The following HORMAD2 variants were observed in gnomAD, a reference collection of about 807,000 sequenced individuals.
The protein encoded by HORMAD2 is HORMA domain containing 2, also known as HORMA domain-containing protein 2.
In HORMAD2, 45 loss-of-function variants were observed where a neutral mutation model predicts 38.8. The ratio of observed to expected loss-of-function variants is 1.16; its 90% CI spans 0.91 to 1.49. The LOEUF (loss-of-function observed/expected upper bound fraction) is 1.49, where lower values mean the gene tolerates loss of function less well. HORMAD2 is among the 40% of genes most tolerant of loss of function. The probability of loss-of-function intolerance (pLI) is 0.00; values close to 1 mark genes in which losing one functional copy is unlikely to be tolerated. For synonymous variants in HORMAD2, 126 were observed against 122.8 expected, an observed-to-expected ratio of 1.03 and a Z score of -0.17; for missense variants, 338 against 367.0, an observed-to-expected ratio of 0.92 and a Z score of 0.65.
chr22:30,189,296 C>T, the HORMAD2 span, among the ~76,000 whole-genome samples: 1 of 148,992 alleles, frequency 6.7e-6, no homozygotes, highest in Admixed American at 6.8e-5. Context: ...TTGAAGGTTA[C>T]CACTTCATCC....
chr22:30,129,078 C>T (rs531132117), intron 10 of HORMAD2, among the ~76,000 whole-genome samples: 3 of 151,578 alleles, frequency 2.0e-5, no homozygotes, highest in African/African-American at 4.8e-5. Flanking sequence ...ATTAGCCAGG[C>T]GTGGTGGTGG....
chr22:30,118,996 A>G lies in HORMAD2; in HGVS notation c.359A>G (p.Tyr120Cys). ...PMGSEKVTEM[Y>C]QFKFKYTKEG... ...TTTTTGTAGAAGGTGACTGAGATGT[A>G]CCAGTTCAAATTCAAATACACGAAA... The change falls in exon 8 of 11, where the codon TAC becomes TGC. Residue 120 changes from tyrosine to cysteine, a missense_variant. Tyr to Cys is a radical substitution (Grantham distance 194). Coordinates refer to ENST00000336726, the MANE Select transcript of HORMAD2 (RefSeq NM_152510.4). 6.3e-7 allele frequency: 1 copy of G among 1,587,670 alleles called. No homozygotes were observed. Among genetic ancestry groups the G allele is most frequent in the South Asian group, 1.1e-5 (1 of 87,110 alleles).
chr22:30,083,992 A>ATTCC (rs1394411166), intron 1 of HORMAD2, among the ~76,000 whole-genome samples: 1 of 152,152 alleles, frequency 6.6e-6, no homozygotes, highest in Non-Finnish European at 1.5e-5. Flanking sequence ...TCAGTCTGGA[A>ATTCC]AAACTTTTAA....
intron 1 of HORMAD2, among the ~76,000 whole-genome samples, chr22:30,089,316 T>G (rs1460434565): frequency 6.6e-6 from 1 of 151,912 alleles, no homozygotes; most frequent in Non-Finnish European, 1.5e-5. Context: ...GAAATTAAAT[T>G]AAGACTTTGT....
the HORMAD2 span, among the ~76,000 whole-genome samples, chr22:30,184,200 T>C: frequency 6.6e-6 from 1 of 152,226 alleles, no homozygotes; most frequent in African/African-American, 2.4e-5. Context: ...TACTAATGGG[T>C]CTTCCATAAA....
chr22:30,185,240 G>A, the HORMAD2 span, among the ~76,000 whole-genome samples: 21 of 152,300 alleles, frequency 1.4e-4, no homozygotes, highest in Admixed American at 9.1e-4. Context: ...CCAGGAACCA[G>A]GAGAGCCTGG....
chr22:30,153,524 C>T (rs188672580), intron 10 of HORMAD2, among the ~76,000 whole-genome samples: 6 of 152,284 alleles, frequency 3.9e-5, no homozygotes, highest in Admixed American at 3.9e-4. Context: ...CATTTCTTCC[C>T]CCATATCTTA....
At chr22:30,105,092 G>C (rs1333382958) in intron 5 of HORMAD2, 1 of 163,290 alleles carries the variant, frequency 6.1e-6, no homozygotes, top group African/African-American at 2.4e-5. Flanking sequence ...AAGGCAGGGG[G>C]CTCAGTCCTT....
rs750796623 is a variant in HORMAD2 at position 30,129,217 on chromosome 22, C to CAAA, written c.819+7040_819+7042dup. The stretch of plus-strand genomic sequence containing the variant: ...TGGGTGGCAGAGTGAGACTCTATCT[C>CAAA]AAAAAAAAAAAAAAAAAAAAAAAAA... On this transcript the variant is annotated intron_variant, in intron 10 of 10. Transcript: ENST00000336726. Among the ~76,000 whole-genome samples, 111 of 22,544 alleles carry CAAA rather than the reference C, an allele frequency of 4.9e-3. 5 individuals carry two copies. The highest frequency in any genetic ancestry group is 7.9e-3 in the Non-Finnish European group (91 of 11,508). The allele number at this position is 22,544 out of a possible 152,430, so 14.8% of individuals were successfully genotyped here.
chr22:30,189,646 T>C, the HORMAD2 span, among the ~76,000 whole-genome samples: 1 of 152,110 alleles, frequency 6.6e-6, no homozygotes, highest in African/African-American at 2.4e-5. Flanking sequence ...CCTTGCTCCC[T>C]CCTTGCCCTG....
chr22:30,081,523 AT>A (rs780260104), intron 1 of HORMAD2, among the ~76,000 whole-genome samples: 3 of 152,138 alleles, frequency 2.0e-5, no homozygotes, highest in Non-Finnish European at 4.4e-5. Context: ...GGTCTAAGTA[AT>A]TGGGCGAACT....
chr22:30,112,581 T>G (rs1356791680), intron 7 of HORMAD2, 59 bp downstream of exon 7: 1 of 707,618 alleles, frequency 1.4e-6, no homozygotes, highest in Non-Finnish European at 2.1e-6. Context: ...TTTAAGATGT[T>G]TTTCTGAGTT....
chr22:30,183,453 CA>C, the HORMAD2 span, among the ~76,000 whole-genome samples: 1 of 152,196 alleles, frequency 6.6e-6, no homozygotes, highest in African/African-American at 2.4e-5. Flanking sequence ...GACCTCCACT[CA>C]GCAGAGTTAA....
the HORMAD2 span, among the ~76,000 whole-genome samples, chr22:30,199,658 C>A: frequency 6.6e-6 from 1 of 151,510 alleles, no homozygotes; most frequent in South Asian, 2.1e-4. Context: ...TTGGATGGAC[C>A]TTTCCCAACC....
intron 10 of HORMAD2, among the ~76,000 whole-genome samples, chr22:30,167,096 G>T (rs1405788170): frequency 6.6e-6 from 1 of 152,190 alleles, no homozygotes; most frequent in African/African-American, 2.4e-5. Flanking sequence ...GGCTCTAAGA[G>T]AAGTTCTATT....
chr22:30,161,985 T>A (rs1925469450), intron 10 of HORMAD2, among the ~76,000 whole-genome samples: 1 of 152,120 alleles, frequency 6.6e-6, no homozygotes, highest in African/African-American at 2.4e-5. Flanking sequence ...AAACTGCCAA[T>A]AAGGATATTC....
chr22:30,094,069 A>G (rs181340970), intron 2 of HORMAD2, 66 bp downstream of exon 2: 505 of 1,169,816 alleles, frequency 4.3e-4, no homozygotes, highest in Non-Finnish European at 5.6e-4. Flanking sequence ...TTATGATTTT[A>G]ATCTTTTGTG....
At position 30,098,879 on chromosome 22, in the gene HORMAD2, A is replaced by C; in HGVS notation, c.79A>C (p.Asn27His). ...AACAGTTTTCCCATCCCAAATCACTAATGAGCATGAGTCATTGAAAATGGT... is the reference window on the plus strand; with the variant it reads ...AACAGTTTTCCCATCCCAAATCACTCATGAGCATGAGTCATTGAAAATGGT... ...KETVFPSQITNEHESLKMVKK... is the reference protein window; with the variant it reads ...KETVFPSQITHEHESLKMVKK... Residue 27 changes from asparagine to histidine, a missense_variant, in exon 3 of 11, where the codon AAT (asparagine) becomes CAT (histidine). Transcript: ENST00000336726. 6.2e-7 allele frequency: 1 copy of C among 1,612,228 alleles called. No individual in the cohort carries two copies. The highest frequency in any genetic ancestry group is 8.5e-7 in the Non-Finnish European group (1 of 1,178,924).
At chr22:30,164,759 G>T (rs1004116079) in intron 10 of HORMAD2, among the ~76,000 whole-genome samples, 3 of 152,180 alleles carry the variant, frequency 2.0e-5, no homozygotes, top group African/African-American at 7.2e-5. Context: ...CTCCTGAGTA[G>T]CTGGGATTAC....
Sources: allele counts gnomAD v4.1 joint callset (sites outside exome capture counted in the v4.1 genomes callset), GRCh38; gene constraint gnomAD v4.1.1; transcripts MANE v1.5; gene names NCBI Gene and HGNC (gene_info 2026-07-23, HGNC 2026-07-21).